Variants in PLIN2 observed in about 807,000 individuals in gnomAD.
PLIN2 encodes the protein perilipin 2.
Under a neutral mutation model 30.6 loss-of-function variants are expected in PLIN2, and 33 were observed. The ratio of observed to expected loss-of-function variants is 1.08; its 90% CI spans 0.82 to 1.44. The LOEUF is 1.44. PLIN2 is among the 40% of genes most tolerant of loss of function. PLIN2 has a pLI of 0.00. For synonymous variants in PLIN2, 205 were observed against 201.1 expected (o/e 1.02, Z -0.16); for missense variants, 610 against 531.8 (o/e 1.15, Z -1.45).
At chr9:19,124,902 G>T (rs1050463260) in intron 3 of PLIN2, among the ~76,000 whole-genome samples, 1 of 152,190 alleles carries the variant, frequency 6.6e-6, no homozygotes, top group Non-Finnish European at 1.5e-5. Flanking sequence ...AAAAAGAGAT[G>T]AAGTACTGAT....
chr9:19,117,513 G>A (rs1203054494), intron 7 of PLIN2, among the ~76,000 whole-genome samples: 1 of 151,840 alleles, frequency 6.6e-6, no homozygotes, highest in African/African-American at 2.4e-5. Context: ...CTTTCACCTA[G>A]TTTATTCACC....
At chr9:19,115,347 G>C (rs1211981003), downstream of PLIN2, among the ~76,000 whole-genome samples, 1 of 135,088 alleles carries the variant, frequency 7.4e-6, no homozygotes, top group East Asian at 2.1e-4. Context: ...TTGCTCTTTC[G>C]CCCAGGCCAG....
chr9:19,120,836 A>C, intron 5 of PLIN2, 44 bp downstream of exon 5: 1 of 1,479,302 alleles, frequency 6.8e-7, no homozygotes. Context: ...CTGTTTAAGA[A>C]AGATTTAATA....
chr9:19,108,693 T>C (rs1818122648), exon 3 of PLIN2: 1 of 152,658 alleles, frequency 6.6e-6, no homozygotes. Context: ...AAAGCTATAA[T>C]ATCTGGAATT....
chr9:19,109,933 G>A (rs1818137133), intron 2 of PLIN2, among the ~76,000 whole-genome samples: 1 of 151,634 alleles, frequency 6.6e-6, no homozygotes, highest in South Asian at 2.1e-4. Flanking sequence ...TCTAGCCTGG[G>A]TAACAGAGCA....
downstream of PLIN2, among the ~76,000 whole-genome samples, chr9:19,111,828 G>A (rs185534369): frequency 3.0e-4 from 45 of 151,932 alleles, no homozygotes; most frequent in Admixed American, 2.2e-3. Flanking sequence ...TTGAACTCCT[G>A]GGCTCAAGCA....
chr9:19,122,108 C>CAAAAAA (rs59357707), intron 4 of PLIN2, among the ~76,000 whole-genome samples: 5 of 63,352 alleles, frequency 7.9e-5, no homozygotes, highest in Admixed American at 7.1e-4. Context: ...GACTCTGTCT[C>CAAAAAA]AAAAAAAAAA....
At chr9:19,120,281 A>T (rs547985825) in intron 5 of PLIN2, among the ~76,000 whole-genome samples, 57 of 151,800 alleles carry the variant, frequency 3.8e-4, no homozygotes, top group Non-Finnish European at 7.1e-4. Flanking sequence ...AAACTCCTGA[A>T]CTCAAGCGAT....
chr9:19,113,579 CTTTT>C (rs371242536), downstream of PLIN2, among the ~76,000 whole-genome samples: 6 of 137,282 alleles, frequency 4.4e-5, no homozygotes, highest in Admixed American at 1.5e-4. Context: ...TTGATAAAAA[CTTTT>C]TTTTTTTTTT....
At chr9:19,121,689 T>C (rs1818319963) in intron 4 of PLIN2, among the ~76,000 whole-genome samples, 1 of 152,142 alleles carries the variant, frequency 6.6e-6, no homozygotes, top group Non-Finnish European at 1.5e-5. Flanking sequence ...GCCAGCACTT[T>C]GCAAAGCTGA....
chr9:19,114,022 C>A (rs544803897), downstream of PLIN2, among the ~76,000 whole-genome samples: 4 of 152,206 alleles, frequency 2.6e-5, no homozygotes, highest in Admixed American at 2.6e-4. Flanking sequence ...TCTTGATCTG[C>A]CAGCCTCAGC....
intron 6 of PLIN2, among the ~76,000 whole-genome samples, chr9:19,118,903 G>T (rs1818271028): frequency 6.6e-6 from 1 of 152,130 alleles, no homozygotes; most frequent in South Asian, 2.1e-4. Context: ...TTGTTGGCCA[G>T]ACTGGTCTCG....
chr9:19,123,585 G>A lies in PLIN2; in HGVS notation c.289C>T (p.Leu97=). ...LDRIEERLPI[L]NQPSTQIVAN... is the part of the protein sequence containing the mutation. The stretch of plus-strand genomic sequence containing the variant: ...CTCACCTGAGTTGATGGCTGATTCA[G>A]AATAGGCAGTCTCTCCTCAATCCTG... Residue 97 remains leucine, a synonymous_variant, in exon 4 of 8, where the codon CTG becomes TTG. Transcript: ENST00000276914. The A allele has an allele frequency of 6.2e-7, 1 of 1,614,230 alleles. No homozygotes were observed.
Position 19,116,649 on chromosome 9 carries a change from G to A in PLIN2, c.913C>T (p.His305Tyr), listed in dbSNP as rs970330509. Residue 305 changes from histidine (H) to tyrosine (Y), a missense_variant and splice_region_variant, in exon 8 of 8, where the codon CAC becomes TAC. By Grantham distance (83) the His-to-Tyr change is moderately conservative. Coordinates refer to ENST00000276914, the MANE Select transcript of PLIN2 (RefSeq NM_001122.4). ...DDTDESHCAEHIESRTLAIAR... is the reference protein window; with the variant it reads ...DDTDESHCAEYIESRTLAIAR... ...ATTGCAAGAGTACGTGACTCAATGT[G>A]CTAAAAATAAAACTTAAAATTAGCA... 3 of 1,608,396 alleles carry A rather than the reference G, an allele frequency of 1.9e-6. No homozygotes were observed. The highest frequency in any genetic ancestry group is 2.6e-6 in the Non-Finnish European group (3 of 1,175,646).
At chr9:19,118,170 T>C (rs1229025278) in intron 7 of PLIN2, 151 bp downstream of exon 7, 3 of 694,944 alleles carry the variant, frequency 4.3e-6, no homozygotes, top group Non-Finnish European at 4.6e-6. Context: ...AGTTTTGCTT[T>C]TCTGCCACAT....
chr9:19,115,515 G>A (rs781208013), downstream of PLIN2, among the ~76,000 whole-genome samples: 31 of 151,864 alleles, frequency 2.0e-4, no homozygotes, highest in Non-Finnish European at 3.8e-4. Flanking sequence ...CACCGTGTTC[G>A]CCAGGATGGT....
chr9:19,118,892 C>T (rs1818270894), intron 6 of PLIN2, among the ~76,000 whole-genome samples: 2 of 152,134 alleles, frequency 1.3e-5, no homozygotes, highest in South Asian at 2.1e-4. Flanking sequence ...AGGATTTCAC[C>T]TTGTTGGCCA....
intron 2 of PLIN2, 30 bp from the exon 3 acceptor site, chr9:19,126,339 T>C: frequency 6.2e-7 from 1 of 1,613,624 alleles, no homozygotes; most frequent in Admixed American, 1.7e-5. Flanking sequence ...GGTATGCTTA[T>C]TAATCTCTCA....
chr9:19,110,032 T>C (rs1369887120), intron 2 of PLIN2, among the ~76,000 whole-genome samples: 1 of 151,984 alleles, frequency 6.6e-6, no homozygotes, highest in Non-Finnish European at 1.5e-5. Flanking sequence ...TTTTTTGTTT[T>C]GTTTTGTTTT....
Sources: allele counts gnomAD v4.1 joint callset (sites outside exome capture counted in the v4.1 genomes callset), GRCh38; gene constraint gnomAD v4.1.1; transcripts MANE v1.5; gene names NCBI Gene and HGNC (gene_info 2026-07-23, HGNC 2026-07-21).